The following TEX9 variants were observed in gnomAD, a reference collection of about 807,000 sequenced individuals.
The protein encoded by TEX9 is testis expressed 9.
A neutral mutation model predicts 59.6 loss-of-function variants in TEX9; 74 were observed. The observed-to-expected ratio is 1.24, with a 90% CI of 1.03 to 1.51. TEX9 has a LOEUF of 1.51. Among genes scored for constraint, TEX9 ranks in the 40% most tolerant of loss-of-function variants. The pLI is 0.00. For synonymous variants in TEX9, 186 were observed against 152.2 expected (o/e 1.22, Z -1.64); for missense variants, 522 against 447.8 (o/e 1.17, Z -1.49).
intron 1 of TEX9, among the ~76,000 whole-genome samples, chr15:56,278,163 G>A (rs1266257102): frequency 6.6e-6 from 1 of 151,810 alleles, no homozygotes; most frequent in Non-Finnish European, 1.5e-5. Flanking sequence ...TAATCTCCTT[G>A]TATGATAAAC....
chr15:56,295,013 A>T (rs1336914879), intron 1 of TEX9, among the ~76,000 whole-genome samples: 2 of 152,166 alleles, frequency 1.3e-5, no homozygotes, highest in Non-Finnish European at 2.9e-5. Flanking sequence ...ATATATATAT[A>T]TGTTAAAGTA....
chr15:56,315,661 G>T (rs2045737465), intron 1 of TEX9, among the ~76,000 whole-genome samples: 1 of 144,170 alleles, frequency 6.9e-6, no homozygotes, highest in Non-Finnish European at 1.5e-5. Context: ...GTATCTTTGT[G>T]GCGTTCTCTG....
chr15:56,388,145 C>T (rs2048045667), intron 4 of TEX9, among the ~76,000 whole-genome samples: 1 of 151,802 alleles, frequency 6.6e-6, no homozygotes, highest in Non-Finnish European at 1.5e-5. Context: ...AATAAAAAGC[C>T]CTGTGGTGAA....
chr15:56,312,645 T>C (rs1358322706), intron 1 of TEX9, among the ~76,000 whole-genome samples: 2 of 141,596 alleles, frequency 1.4e-5, no homozygotes, highest in African/African-American at 2.7e-5. Flanking sequence ...TTTGGTTCCA[T>C]ATGAACTTTA....
At chr15:56,318,984 G>C (rs570111692) in intron 1 of TEX9, among the ~76,000 whole-genome samples, 1 of 152,032 alleles carries the variant, frequency 6.6e-6, no homozygotes, top group South Asian at 2.1e-4. Context: ...CATCCATACT[G>C]TATTAAAGGT....
intron 1 of TEX9, among the ~76,000 whole-genome samples, chr15:56,282,892 T>G (rs1265212321): frequency 2.0e-5 from 3 of 152,142 alleles, no homozygotes; most frequent in Non-Finnish European, 4.4e-5. Context: ...ACTGCACTAG[T>G]TATTTTAAAG....
chr15:56,251,177 T>C (rs551540690), intron 1 of TEX9, among the ~76,000 whole-genome samples: 3 of 152,256 alleles, frequency 2.0e-5, no homozygotes, highest in Non-Finnish European at 2.9e-5. Flanking sequence ...TCATCCCTTT[T>C]TCCCTTACCA....
chr15:56,414,291 A>G (rs2049554542), intron 10 of TEX9, among the ~76,000 whole-genome samples: 1 of 151,668 alleles, frequency 6.6e-6, no homozygotes. Flanking sequence ...TGAAGGTTGC[A>G]TAGGTAAACA....
intron 12 of TEX9, chr15:56,434,063 A>G (rs1341501494): frequency 6.9e-7 from 1 of 1,454,694 alleles, no homozygotes; most frequent in Non-Finnish European, 9.3e-7. Flanking sequence ...CTTCTCAGTA[A>G]ATGTTTAGTG....
chr15:56,342,532 G>T (rs2141836675), intron 1 of TEX9, among the ~76,000 whole-genome samples: 1 of 152,258 alleles, frequency 6.6e-6, no homozygotes, highest in South Asian at 2.1e-4. Flanking sequence ...TTAAAAGAAA[G>T]AAAAGATAAG....
intron 12 of TEX9, chr15:56,428,581 TTTTAGA>T: frequency 1.6e-6 from 1 of 611,756 alleles, no homozygotes; most frequent in Non-Finnish European, 2.7e-6. Flanking sequence ...AGAATTCCCT[TTTTAGA>T]TTTAGGAGAT....
intron 12 of TEX9, chr15:56,434,110 C>T (rs776759712): frequency 1.9e-6 from 3 of 1,598,910 alleles, no homozygotes; most frequent in Non-Finnish European, 2.6e-6. Context: ...ATGATAATGA[C>T]CAAAAAAACC....
intron 1 of TEX9, among the ~76,000 whole-genome samples, chr15:56,360,413 A>G (rs753217152): frequency 1.3e-5 from 2 of 152,104 alleles, no homozygotes; most frequent in African/African-American, 4.8e-5. Flanking sequence ...CAGATTATCT[A>G]TTTCTCCTTG....
Position 56,386,305 on chromosome 15 carries a change from G to A in TEX9, c.264-2167G>A, listed in dbSNP as rs189360052. Among the ~76,000 whole-genome samples, 1,210 of 151,856 alleles carry A rather than the reference G, an allele frequency of 8.0e-3. 12 individuals are homozygous for A. The highest frequency in any genetic ancestry group is 0.018 in the South Asian group (86 of 4,792). ...TAGGGGACTACCAAGGAACACAAGG[G>A]AACTTTTTGAGATGGTGGAAATACT... On this transcript the variant is annotated intron_variant, in intron 4 of 12. Transcript: ENST00000352903.
chr15:56,388,638 C>G (rs80205359), intron 5 of TEX9, 118 bp downstream of exon 5: 25,070 of 748,742 alleles, frequency 0.033, 541 homozygotes, highest in Non-Finnish European at 0.044. Flanking sequence ...GAATATGAAC[C>G]TTGATACTCA....
intron 9 of TEX9, among the ~76,000 whole-genome samples, chr15:56,404,901 A>G (rs1300765924): frequency 6.6e-6 from 1 of 152,178 alleles, no homozygotes. Context: ...CAAACACCGC[A>G]TGTTCTCACT....
At chr15:56,246,903 G>A (rs2092278753) in intron 1 of TEX9, among the ~76,000 whole-genome samples, 1 of 152,124 alleles carries the variant, frequency 6.6e-6, no homozygotes, top group Non-Finnish European at 1.5e-5. Context: ...GTACATCAGA[G>A]GGTTGCTATA....
At chr15:56,324,150 G>T (rs894575177) in intron 1 of TEX9, among the ~76,000 whole-genome samples, 19 of 149,560 alleles carry the variant, frequency 1.3e-4, no homozygotes, top group African/African-American at 4.7e-4. Flanking sequence ...CAAAATAATT[G>T]TTCTTTTAAC....
chr15:56,445,925 T>G (rs571565809), downstream of TEX9: 34 of 152,062 alleles, frequency 2.2e-4, no homozygotes, highest in Non-Finnish European at 3.5e-4. Context: ...CAGCGCTATA[T>G]GGCTTAGCAA....
Sources: gnomAD v4.1 joint callset for allele counts (sites outside exome capture counted in the v4.1 genomes callset) on GRCh38, gnomAD v4.1.1 for gene constraint, MANE v1.5 for transcripts, NCBI Gene and HGNC (gene_info 2026-07-23, HGNC 2026-07-21) for gene names.